The following RPL7L1 variants were observed in gnomAD, a reference collection of about 807,000 sequenced individuals.
RPL7L1 encodes the protein ribosomal protein L7 like 1.
In RPL7L1, 20 loss-of-function variants were observed where a neutral mutation model predicts 30.3. That is an observed-to-expected ratio of 0.66 (90% CI 0.46 to 0.96). The LOEUF is 0.96. Ranked by LOEUF, RPL7L1 falls within the 40% of genes least tolerant of loss-of-function variation. The pLI, the probability that RPL7L1 is intolerant of heterozygous loss-of-function variation, is 0.00. For synonymous variants in RPL7L1, 107 were observed against 110.1 expected, an observed-to-expected ratio of 0.97 and a Z score of 0.18; for missense variants, 271 against 314.9, an observed-to-expected ratio of 0.86 and a Z score of 1.05.
intron 4 of RPL7L1, among the ~76,000 whole-genome samples, chr6:42,885,426 C>CA (rs148571453): frequency 4.0e-5 from 6 of 150,522 alleles, no homozygotes; most frequent in Admixed American, 1.3e-4. Context: ...ACTAAAAATA[C>CA]AAAAAAAATT....
intron 3 of RPL7L1, among the ~76,000 whole-genome samples, chr6:42,884,212 T>A (rs1426987189): frequency 6.6e-6 from 1 of 152,156 alleles, no homozygotes; most frequent in Non-Finnish European, 1.5e-5. Flanking sequence ...CTCCTGGATT[T>A]CCTTGCCTCT....
rs1175488329 is a variant in RPL7L1, at chr6:42,888,318, A to G, written c.*1854A>G. 6.6e-6 allele frequency: 1 copy of G among 152,112 alleles called. No individual in the cohort carries two copies. Among genetic ancestry groups the G allele is most frequent in the Non-Finnish European group, 1.5e-5 (1 of 68,030 alleles). 9.4% of individuals were successfully genotyped at this position (152,112 alleles called of 1,614,324 possible). ...ATGCATGTACCACCACACCCAGCTA[A>G]TTCTTGTATTTTTAGTAGAGATGGA... On this transcript the variant is annotated 3_prime_UTR_variant, in exon 6 of 6. Transcript: ENST00000493763.
In RPL7L1 at chr6:42,888,119, G is replaced by C. The variant is rs138570521; in HGVS notation, c.*1655G>C. 88 of 152,068 alleles carry C rather than the reference G, an allele frequency of 5.8e-4. No individual in the cohort carries two copies. The highest frequency in any genetic ancestry group is 2.0e-3 in the African/African-American group (84 of 41,482). 9.4% of individuals were successfully genotyped at this position (152,068 alleles called of 1,614,324 possible). A position where few individuals can be genotyped will look rare whatever the true frequency, so the allele number is the denominator to read the frequency against. ...CTCAAAATTTTGCTTGCAGTTCTAGGGTGTTTAGACCCTTCTCAGATACCT... is the reference window on the plus strand; with the variant it reads ...CTCAAAATTTTGCTTGCAGTTCTAGCGTGTTTAGACCCTTCTCAGATACCT... On this transcript the variant is annotated 3_prime_UTR_variant, in exon 6 of 6. Transcript: ENST00000493763.
intron 2 of RPL7L1, 30 bp from the exon 3 acceptor site, chr6:42,883,421 G>A: frequency 6.6e-7 from 1 of 1,508,014 alleles, no homozygotes; most frequent in Non-Finnish European, 8.9e-7. Context: ...GGAGGCACAA[G>A]ATGATGATGA....
rs1395701464 is a variant in RPL7L1, at chr6:42,888,462, T to C, written c.*1998T>C. On this transcript the variant is annotated 3_prime_UTR_variant, in exon 6 of 6. Coordinates refer to ENST00000493763, the MANE Select transcript of RPL7L1 (RefSeq NM_001366481.3). ...CATGAGCAACTGCGCCCAGCTCTTG[T>C]GTACCTTATGTGAGGAAGTCCTGCT... 1 of 152,244 alleles carries C rather than the reference T, an allele frequency of 6.6e-6. No homozygotes were observed. The highest frequency in any genetic ancestry group is 6.5e-5 in the Admixed American group (1 of 15,286). The allele number at this position is 152,244 out of a possible 1,614,324, so 9.4% of individuals were successfully genotyped here. A position where few individuals can be genotyped will look rare whatever the true frequency, so the allele number is the denominator to read the frequency against.
intron 1 of RPL7L1, 130 bp downstream of exon 1, chr6:42,880,081 G>A (rs1766015676): frequency 2.1e-6 from 2 of 931,616 alleles, no homozygotes; most frequent in Non-Finnish European, 1.8e-6. Context: ...ACAAAGGGTG[G>A]GGGTGAGGAG....
chr6:42,880,945 G>C lies in RPL7L1; in HGVS notation c.126G>C (p.Gln42His), dbSNP rs1362809580. Reference protein sequence around the residue: ...YQALKATQAKQALLAKKEQKK... With the variant: ...YQALKATQAKHALLAKKEQKK... Reference sequence around the variant, plus strand: ...CCCTCAAAGCCACCCAGGCAAAGCAGGCACTTTTGGCAAAGAAGGAGGTAA... The same window carrying C: ...CCCTCAAAGCCACCCAGGCAAAGCACGCACTTTTGGCAAAGAAGGAGGTAA... Residue 42 changes from glutamine to histidine, a missense_variant, in exon 2 of 6, where the codon CAG becomes CAC. Transcript: ENST00000493763. The C allele has an allele frequency of 1.9e-6, 3 of 1,578,584 alleles. No individual in the cohort carries two copies. Among genetic ancestry groups the C allele is most frequent in the Non-Finnish European group, 1.7e-6 (2 of 1,148,204 alleles).
Position 42,886,366 on chromosome 6 carries a change from C to G in RPL7L1, c.670C>G (p.Arg224Gly). The G allele has an allele frequency of 6.2e-7, 1 of 1,601,284 alleles. No individual in the cohort carries two copies. Among genetic ancestry groups the G allele is most frequent in the Non-Finnish European group, 8.5e-7 (1 of 1,179,522 alleles). ...GTGCCCTTTCCACCTCTCAGTGGCCCGTCATGCTACCAAAAATAGAGTGGG... is the reference window on the plus strand; with the variant it reads ...GTGCCCTTTCCACCTCTCAGTGGCCGGTCATGCTACCAAAAATAGAGTGGG... ...FLCPFHLSVARHATKNRVGFL... is the reference protein window; with the variant it reads ...FLCPFHLSVAGHATKNRVGFL... The change falls in exon 6 of 6, where the codon CGT becomes GGT. Residue 224 changes from arginine (R) to glycine (G), a missense_variant. Physicochemically the swap from Arg to Gly is moderately radical, Grantham distance 125. Transcript: ENST00000493763.
chr6:42,888,061 T>A lies in RPL7L1; in HGVS notation c.*1597T>A, dbSNP rs569506364. On this transcript the variant is annotated 3_prime_UTR_variant, in exon 6 of 6. Coordinates refer to ENST00000493763, the MANE Select transcript of RPL7L1 (RefSeq NM_001366481.3). ...TTCCTAAAAGCTCAGGATTTGAGAA[T>A]GAGGACCCCTTCGCCAGGAAAACAT... 3 of 151,686 alleles carry A rather than the reference T, an allele frequency of 2.0e-5. No individual in the cohort carries two copies. Among genetic ancestry groups the A allele is most frequent in the Non-Finnish European group, 2.9e-5 (2 of 67,954 alleles). 9.4% of individuals were successfully genotyped at this position (151,686 alleles called of 1,614,324 possible).
rs1237256058 is a variant in RPL7L1 at position 42,883,499 on chromosome 6, C to T, written c.196C>T (p.His66Tyr). ...LRFKRLESFL[H>Y]DSWRQKRDKV... Reference sequence around the variant, plus strand: ...GTTTAAGCGACTGGAATCATTCCTACATGATTCCTGGCGGCAGAAACGTGA... The same window carrying T: ...GTTTAAGCGACTGGAATCATTCCTATATGATTCCTGGCGGCAGAAACGTGA... The change falls in exon 3 of 6, where the codon CAT becomes TAT. Residue 66 changes from histidine to tyrosine, a missense_variant. By Grantham distance (83) the His-to-Tyr change is moderately conservative. Coordinates refer to ENST00000493763, the MANE Select transcript of RPL7L1 (RefSeq NM_001366481.3). The T allele has an allele frequency of 6.2e-7, 1 of 1,608,006 alleles. No individual in the cohort carries two copies. Among genetic ancestry groups the T allele is most frequent in the Admixed American group, 1.7e-5 (1 of 59,148 alleles).
chr6:42,880,776 G>C (rs1488415230), intron 1 of RPL7L1, 85 bp from the exon 2 acceptor site: 3 of 714,644 alleles, frequency 4.2e-6, no homozygotes, highest in East Asian at 2.7e-5. Context: ...GCCTCCCAGA[G>C]TGCTGGGATT....
At chr6:42,883,242 A>T in intron 2 of RPL7L1, 3 of 418,218 alleles carry the variant, frequency 7.2e-6, no homozygotes, top group Middle Eastern at 6.5e-4. Context: ...TTTGTTCGTT[A>T]TTTTTCCCAA....
Position 42,888,975 on chromosome 6 carries a change from C to T in RPL7L1, c.*2511C>T, listed in dbSNP as rs1766379265. On this transcript the variant is annotated 3_prime_UTR_variant, in exon 6 of 6. Coordinates refer to ENST00000493763, the MANE Select transcript of RPL7L1 (RefSeq NM_001366481.3). The stretch of plus-strand genomic sequence containing the variant: ...TGCTATTCTCTTCACTTAGTTGCCC[C>T]TCACTTGCCATCTGAGCAATTGGCA... The T allele has an allele frequency of 6.6e-6, 1 of 152,206 alleles. No individual in the cohort carries two copies. The highest frequency in any genetic ancestry group is 1.5e-5 in the Non-Finnish European group (1 of 68,044). The allele number at this position is 152,206 out of a possible 1,614,324, so 9.4% of individuals were successfully genotyped here.
intron 1 of RPL7L1, 28 bp from the exon 2 acceptor site, chr6:42,880,833 T>C: frequency 1.5e-6 from 2 of 1,316,860 alleles, no homozygotes; most frequent in Non-Finnish European, 2.2e-6. Context: ...TTCTAAATGT[T>C]ATCTCTGATC....
In RPL7L1 at chr6:42,883,564, C is replaced by T; in HGVS notation, c.261C>T (p.Ala87=). The change falls in exon 3 of 6, where the codon GCC becomes GCT. Residue 87 remains alanine (A), a synonymous_variant. Coordinates refer to ENST00000493763, the MANE Select transcript of RPL7L1 (RefSeq NM_001366481.3). ...RLRRLEVKPH[A]LELPDKHSLA... ...GACGACTAGAAGTGAAACCTCATGC[C>T]TTGGAATTGCCAGATAAACATTCCT... 1 of 1,605,338 alleles carries T rather than the reference C, an allele frequency of 6.2e-7. No individual in the cohort carries two copies. Among genetic ancestry groups the T allele is most frequent in the Non-Finnish European group, 8.5e-7 (1 of 1,177,090 alleles).
At position 42,879,813 on chromosome 6, in the gene RPL7L1, G is replaced by C; in HGVS notation, c.-98G>C. ...GACCTCAAGGGCTCACTGCGGCTAAGTGAACGCTGACTGGTCCTCCAGCGT... is the reference window on the plus strand; with the variant it reads ...GACCTCAAGGGCTCACTGCGGCTAACTGAACGCTGACTGGTCCTCCAGCGT... On this transcript the variant is annotated 5_prime_UTR_variant, in exon 1 of 6. Coordinates refer to ENST00000493763, the MANE Select transcript of RPL7L1 (RefSeq NM_001366481.3). The C allele has an allele frequency of 7.5e-7, 1 of 1,335,496 alleles. No individual in the cohort carries two copies. Among genetic ancestry groups the C allele is most frequent in the Non-Finnish European group, 1.1e-6 (1 of 930,284 alleles). The allele number at this position is 1,335,496 out of a possible 1,614,324, so 82.7% of individuals were successfully genotyped here.
Position 42,879,820 on chromosome 6 carries a change from C to T in RPL7L1, c.-91C>T, listed in dbSNP as rs567217060. ...AGGGCTCACTGCGGCTAAGTGAACGCTGACTGGTCCTCCAGCGTGAGCTAG... is the reference window on the plus strand; with the variant it reads ...AGGGCTCACTGCGGCTAAGTGAACGTTGACTGGTCCTCCAGCGTGAGCTAG... On this transcript the variant is annotated 5_prime_UTR_variant, in exon 1 of 6. Transcript: ENST00000493763. The T allele has an allele frequency of 1.4e-6, 2 of 1,400,130 alleles. No individual in the cohort carries two copies. The highest frequency in any genetic ancestry group is 1.4e-5 in the African/African-American group (1 of 70,710). 86.7% of individuals were successfully genotyped at this position (1,400,130 alleles called of 1,614,324 possible).
chr6:42,886,191 G>A, intron 5 of RPL7L1, 65 bp from the exon 6 acceptor site: 1 of 1,477,854 alleles, frequency 6.8e-7, no homozygotes. Flanking sequence ...GTCTGCCAGA[G>A]TGGCCAGCTT....
chr6:42,888,403 A>C lies in RPL7L1; in HGVS notation c.*1939A>C, dbSNP rs1049977830. 7.9e-5 allele frequency: 12 copies of C among 152,290 alleles called. No homozygotes were observed. Among genetic ancestry groups the C allele is most frequent in the Non-Finnish European group, 2.9e-5 (2 of 68,054 alleles). The allele number at this position is 152,290 out of a possible 1,614,324, so 9.4% of individuals were successfully genotyped here. On this transcript the variant is annotated 3_prime_UTR_variant, in exon 6 of 6. Transcript: ENST00000493763. ...AAACTCCTGACCTCAAGTGATCCAC[A>C]AGCCTGGGCCTCCCAAAGTGCTGGG...
Sources: allele counts gnomAD v4.1 joint callset (sites outside exome capture counted in the v4.1 genomes callset), GRCh38; gene constraint gnomAD v4.1.1; transcripts MANE v1.5; gene names NCBI Gene and HGNC (gene_info 2026-07-23, HGNC 2026-07-21).